The following HGF variants were observed in gnomAD, a reference collection of about 807,000 sequenced individuals.
The protein encoded by HGF is fibroblast-derived tumor cytotoxic factor.
Under a neutral mutation model 111.6 loss-of-function variants are expected in HGF, and 39 were observed. The ratio of observed to expected loss-of-function variants is 0.35; its 90% confidence interval spans 0.27 to 0.46. The LOEUF (loss-of-function observed/expected upper bound fraction) is 0.46, where lower values mean the gene tolerates loss of function less well. HGF is among the 20% of genes least tolerant of loss of function. The probability of loss-of-function intolerance (pLI) is 1.00; values close to 1 mark genes in which losing one functional copy is unlikely to be tolerated. For synonymous variants in HGF, 285 were observed against 294.8 expected (o/e 0.97, Z 0.34); for missense variants, 735 against 910.5 (o/e 0.81, Z 2.48).
At chr7:81,762,426 A>G (rs753575580) in intron 2 of HGF, among the ~76,000 whole-genome samples, 1 of 152,206 alleles carries the variant, frequency 6.6e-6, no homozygotes, top group Non-Finnish European at 1.5e-5. Flanking sequence ...ATTGAATTTC[A>G]TTTTAGTTAC....
chr7:81,740,650 A>G (rs1787971155), intron 7 of HGF, among the ~76,000 whole-genome samples: 1 of 152,216 alleles, frequency 6.6e-6, no homozygotes, highest in East Asian at 1.9e-4. Context: ...AAAGCAGGAG[A>G]GATGCTATCC....
chr7:81,704,817 A>G (rs1245094398), intron 17 of HGF, among the ~76,000 whole-genome samples: 1 of 151,828 alleles, frequency 6.6e-6, no homozygotes, highest in African/African-American at 2.4e-5. Context: ...TAAAATAGGG[A>G]TAGGAACATT....
chr7:81,750,564 C>T (rs564735336), intron 5 of HGF, among the ~76,000 whole-genome samples: 116 of 152,264 alleles, frequency 7.6e-4, no homozygotes, highest in Middle Eastern at 3.4e-3. Context: ...TCTTTTCTAG[C>T]ACTTTTAATC....
In HGF at chr7:81,702,323, T is replaced by G. The variant is rs1789303180; in HGVS notation, c.*258A>C. 7.7e-6 allele frequency: 3 copies of G among 387,676 alleles called. No homozygotes were observed. The highest frequency in any genetic ancestry group is 6.1e-5 in the African/African-American group (3 of 49,232). The allele number at this position is 387,676 out of a possible 1,614,324, so 24.0% of individuals were successfully genotyped here. A position where few individuals can be genotyped will look rare whatever the true frequency, so the allele number is the denominator to read the frequency against. On this transcript the variant is annotated 3_prime_UTR_variant, in exon 18 of 18. Coordinates refer to ENST00000222390, the MANE Select transcript of HGF (RefSeq NM_000601.6). ...ATCCAGCAAATATACCTGTGTGTTT[T>G]TTTAATCCATTCAAGTATCTTCAGG...
At position 81,705,697 on chromosome 7, in the gene HGF, G is replaced by A. The variant is rs147075806; in HGVS notation, c.1814C>T (p.Thr605Ile). Residue 605 changes from threonine to isoleucine, a missense_variant, in exon 16 of 18, where the codon ACA (threonine) becomes ATA (isoleucine). Physicochemically the swap from Thr to Ile is moderately conservative, Grantham distance 89. Coordinates refer to ENST00000222390, the MANE Select transcript of HGF (RefSeq NM_000601.6). ...ACTGCAACTGGTCTTTTCAGGAATT[G>A]TGCATCCATAATTAGGTAAATCAAT... Reference protein sequence around the residue: ...STIDLPNYGCTIPEKTSCSVY... With the variant: ...STIDLPNYGCIIPEKTSCSVY... The A allele has an allele frequency of 1.7e-4, 274 of 1,612,482 alleles. 1 individual carries two copies. Among genetic ancestry groups the A allele is most frequent in the Non-Finnish European group, 2.2e-4 (262 of 1,179,012 alleles).
chr7:81,734,389 C>T (rs1787758383), intron 7 of HGF, among the ~76,000 whole-genome samples: 2 of 152,132 alleles, frequency 1.3e-5, no homozygotes, highest in Admixed American at 1.3e-4. Context: ...AGTAAAACAA[C>T]ATTTGCTATC....
chr7:81,702,320 T>C lies in HGF; in HGVS notation c.*261A>G. On this transcript the variant is annotated 3_prime_UTR_variant, in exon 18 of 18. Transcript: ENST00000222390. ...ATCATCCAGCAAATATACCTGTGTG[T>C]TTTTTTAATCCATTCAAGTATCTTC... The C allele has an allele frequency of 2.6e-6, 1 of 381,460 alleles. No homozygotes were observed. Among genetic ancestry groups the C allele is most frequent in the East Asian group, 4.1e-5 (1 of 24,628 alleles). The allele number at this position is 381,460 out of a possible 1,614,324, so 23.6% of individuals were successfully genotyped here.
chr7:81,755,707 G>GT (rs1277302564), intron 4 of HGF: 1 of 370,898 alleles, frequency 2.7e-6, no homozygotes, highest in African/African-American at 2.1e-5. Context: ...TATGCAGGGA[G>GT]TAACACCATG....
At chr7:81,711,424 C>A in intron 12 of HGF, 57 bp downstream of exon 12, 1 of 929,872 alleles carries the variant, frequency 1.1e-6, no homozygotes. Flanking sequence ...AATAATGACA[C>A]TTCTGACACA....
Position 81,701,038 on chromosome 7 carries a change from G to T in HGF, c.*1543C>A, listed in dbSNP as rs1375867824. On this transcript the variant is annotated 3_prime_UTR_variant, in exon 18 of 18. Transcript: ENST00000222390. The stretch of plus-strand genomic sequence containing the variant: ...TTTTTAAAGGTGTTTTGTACAGGAA[G>T]ATTTCTGCAAAAATTCAAAGCCTAT... 1 of 151,542 alleles carries T rather than the reference G, an allele frequency of 6.6e-6. No individual in the cohort carries two copies. Among genetic ancestry groups the T allele is most frequent in the Non-Finnish European group, 1.5e-5 (1 of 67,642 alleles). The allele number at this position is 151,542 out of a possible 1,614,324, so 9.4% of individuals were successfully genotyped here. A position where few individuals can be genotyped will look rare whatever the true frequency, so the allele number is the denominator to read the frequency against.
chr7:81,736,692 T>C, intron 7 of HGF: 1 of 471,096 alleles, frequency 2.1e-6, no homozygotes, highest in Non-Finnish European at 4.3e-6. Flanking sequence ...GAGACTATAA[T>C]GAGAACATGG....
chr7:81,737,646 AT>A (rs1479721336), intron 7 of HGF, among the ~76,000 whole-genome samples: 2 of 152,062 alleles, frequency 1.3e-5, no homozygotes, highest in Non-Finnish European at 2.9e-5. Flanking sequence ...ATTAAAGAAA[AT>A]TTTTTTAAAT....
intron 13 of HGF, among the ~76,000 whole-genome samples, chr7:81,709,063 T>G (rs1789504340): frequency 6.6e-6 from 1 of 152,186 alleles, no homozygotes; most frequent in Non-Finnish European, 1.5e-5. Context: ...ATAAAAGGAC[T>G]TCTGTTTCAA....
intron 2 of HGF, among the ~76,000 whole-genome samples, chr7:81,760,748 G>A (rs1789031071): frequency 6.7e-6 from 1 of 149,776 alleles, no homozygotes. Context: ...TACCATTTCT[G>A]GGCCAAAAAA....
At chr7:81,723,444 G>A (rs941719504) in intron 9 of HGF, among the ~76,000 whole-genome samples, 39 of 151,868 alleles carry the variant, frequency 2.6e-4, no homozygotes, top group Non-Finnish European at 4.3e-4. Flanking sequence ...ATGATTTTTG[G>A]TTACAATTTT....
intron 11 of HGF, among the ~76,000 whole-genome samples, 191 bp from the exon 12 acceptor site, chr7:81,711,710 C>G (rs1409032573): frequency 2.6e-5 from 4 of 152,120 alleles, no homozygotes; most frequent in Admixed American, 2.6e-4. Flanking sequence ...GTGGTGCTAT[C>G]TCAGCTCACT....
intron 7 of HGF, among the ~76,000 whole-genome samples, chr7:81,736,347 G>C (rs2115969256): frequency 6.6e-6 from 1 of 152,128 alleles, no homozygotes; most frequent in African/African-American, 2.4e-5. Flanking sequence ...TCACTTAGTA[G>C]CCTTCTAGGT....
intron 11 of HGF, among the ~76,000 whole-genome samples, chr7:81,713,845 A>C (rs1242533959): frequency 2.6e-5 from 4 of 152,058 alleles, no homozygotes; most frequent in Admixed American, 2.6e-4. Context: ...ATACTACACT[A>C]TCTATACCAC....
chr7:81,741,495 C>A (rs1787998906), intron 7 of HGF, among the ~76,000 whole-genome samples: 1 of 151,734 alleles, frequency 6.6e-6, no homozygotes, highest in South Asian at 2.1e-4. Context: ...TGGTTTGGAA[C>A]TGAAGAGGAG....
Sources: allele counts gnomAD v4.1 joint callset (sites outside exome capture counted in the v4.1 genomes callset), GRCh38; gene constraint gnomAD v4.1.1; transcripts MANE v1.5; gene names NCBI Gene and HGNC (gene_info 2026-07-23, HGNC 2026-07-21).